Variants in SON observed in about 807,000 individuals in gnomAD.
SON encodes protein SON.
Under a neutral mutation model 173.3 loss-of-function variants are expected in SON, and 4 were observed. That is an observed-to-expected ratio of 0.02 (90% confidence interval 0.01 to 0.05). The LOEUF is 0.05. SON is among the 10% of genes least tolerant of loss of function. SON has a pLI of 1.00. For synonymous variants in SON, 1,190 were observed against 1,105.9 expected, an observed-to-expected ratio of 1.08 and a Z score of -1.51; for missense variants, 2,626 against 3,055.3, an observed-to-expected ratio of 0.86 and a Z score of 3.31.
chr21:33,572,160 GA>G (rs1468938830), intron 8 of SON: 1 of 141,986 alleles, frequency 7.0e-6, no homozygotes, highest in Non-Finnish European at 1.5e-5. Flanking sequence ...ATAAGTTAAT[GA>G]CTTTTGCTAT....
chr21:33,572,610 A>C (rs2086308607), intron 8 of SON: 1 of 1,303,778 alleles, frequency 7.7e-7, no homozygotes. Flanking sequence ...TATTCACAAC[A>C]CTGCTGCTAC....
chr21:33,544,754 C>T (rs1184865782), intron 1 of SON, among the ~76,000 whole-genome samples: 5 of 152,204 alleles, frequency 3.3e-5, no homozygotes, highest in Admixed American at 6.5e-5. Flanking sequence ...TTAACGATTG[C>T]TGGCTTTAAG....
rs1292347757 is a variant in SON at position 33,575,766 on chromosome 21, T to C, written c.7106-12T>C. 1 of 1,579,772 alleles carries C rather than the reference T, an allele frequency of 6.3e-7. No individual in the cohort carries two copies. Among genetic ancestry groups the C allele is most frequent in the Non-Finnish European group, 8.7e-7 (1 of 1,151,158 alleles). ...GAAATAATTTAAAACTGGGTATTTC[T>C]CCCCCCTGCAGGCAAACATCCTGTG... On this transcript the variant is annotated splice_polypyrimidine_tract_variant and intron_variant, in intron 10 of 11. Transcript: ENST00000356577.
chr21:33,556,906 A>G (rs1163168699), intron 3 of SON, among the ~76,000 whole-genome samples: 2 of 151,808 alleles, frequency 1.3e-5, no homozygotes, highest in African/African-American at 2.4e-5. Context: ...GGGAAGCTCA[A>G]TATGTGGACT....
chr21:33,549,164 G>A (rs191004282), intron 2 of SON, among the ~76,000 whole-genome samples: 12 of 77,364 alleles, frequency 1.6e-4, no homozygotes, highest in Admixed American at 1.4e-3. Flanking sequence ...CTGAAACCTC[G>A]ACCTACTGGG....
At position 33,553,746 on chromosome 21, in the gene SON, T is replaced by G. The variant is rs1490595159; in HGVS notation, c.4515T>G (p.Ile1505Met). ...CTCCAGAGATTGGCATGCAGGAGAT[T>G]GCATTGCATTCAGGTGAAGAACCAC... ...NLAPEIGMQE[I>M]ALHSGEEPHA... Residue 1505 changes from isoleucine to methionine, a missense_variant, in exon 3 of 12, where the codon ATT becomes ATG. Coordinates refer to ENST00000356577, the MANE Select transcript of SON (RefSeq NM_138927.4). 6.2e-7 allele frequency: 1 copy of G among 1,614,066 alleles called. No individual in the cohort carries two copies.
chr21:33,564,956 G>A (rs1569064824), intron 6 of SON, among the ~76,000 whole-genome samples: 1 of 151,426 alleles, frequency 6.6e-6, no homozygotes, highest in Non-Finnish European at 1.5e-5. Flanking sequence ...TAAGTCTGTT[G>A]AAGAGTAAAT....
chr21:33,551,248 C>T lies in SON; in HGVS notation c.2017C>T (p.Leu673=). The change falls in exon 3 of 12, where the codon CTG becomes TTG. Residue 673 remains leucine, a synonymous_variant. Transcript: ENST00000356577. The stretch of plus-strand genomic sequence containing the variant: ...GTCAACGATGACCGTGTCGCAGTCC[C>T]TGGAGGTGCCCTCGACGACAGCGCT... ...ELSTMTVSQS[L]EVPSTTALES... is the part of the protein sequence containing the mutation. 2.5e-6 allele frequency: 4 copies of T among 1,614,044 alleles called. No individual in the cohort carries two copies. The highest frequency in any genetic ancestry group is 1.3e-5 in the African/African-American group (1 of 75,002).
In SON at chr21:33,576,603, G is replaced by GAT. The variant is rs764882230; in HGVS notation, c.*180_*181insTA. The GAT allele has an allele frequency of 1.2e-3, 878 of 707,338 alleles. 1 individual carries two copies. Among genetic ancestry groups the GAT allele is most frequent in the Middle Eastern group, 3.6e-3 (10 of 2,748 alleles). 43.8% of individuals were successfully genotyped at this position (707,338 alleles called of 1,614,324 possible). On this transcript the variant is annotated 3_prime_UTR_variant, in exon 12 of 12. Transcript: ENST00000356577. ...TTGAGGTTTTATAATAATCATTTCA[G>GAT]AATTTTACTCTGCATCACAATGTAT...
chr21:33,549,413 A>T, intron 2 of SON, 63 bp from the exon 3 acceptor site: 1 of 1,362,620 alleles, frequency 7.3e-7, no homozygotes, highest in Non-Finnish European at 1.0e-6. Context: ...ATATGGGTTT[A>T]TATGATTTAA....
At position 33,577,013 on chromosome 21, in the gene SON, A is replaced by C. The variant is rs1232754010; in HGVS notation, c.*589A>C. Reference sequence around the variant, plus strand: ...ATGGGCCAGTGTTATTGAGGTGATCAAGATCTGTTCCACAGGGCTAATGCC... The same window carrying C: ...ATGGGCCAGTGTTATTGAGGTGATCCAGATCTGTTCCACAGGGCTAATGCC... On this transcript the variant is annotated 3_prime_UTR_variant, in exon 12 of 12. Coordinates refer to ENST00000356577, the MANE Select transcript of SON (RefSeq NM_138927.4). 1 of 167,392 alleles carries C rather than the reference A, an allele frequency of 6.0e-6. No individual in the cohort carries two copies. Among genetic ancestry groups the C allele is most frequent in the Non-Finnish European group, 1.3e-5 (1 of 74,958 alleles). The allele number at this position is 167,392 out of a possible 1,614,324, so 10.4% of individuals were successfully genotyped here. A position where few individuals can be genotyped will look rare whatever the true frequency, so the allele number is the denominator to read the frequency against.
chr21:33,560,757 T>C (rs902458897), intron 6 of SON: 1 of 323,298 alleles, frequency 3.1e-6, no homozygotes, highest in African/African-American at 2.2e-5. Flanking sequence ...TTAGTTGTCA[T>C]CGCCTCTTGC....
chr21:33,549,447 C>T, intron 2 of SON, 29 bp from the exon 3 acceptor site: 1 of 1,505,950 alleles, frequency 6.6e-7, no homozygotes, highest in Non-Finnish European at 8.8e-7. Context: ...TGGGGAATGT[C>T]TGACAAAATT....
chr21:33,557,104 C>A (rs2085983414), intron 3 of SON, 52 bp from the exon 4 acceptor site: 2 of 1,540,352 alleles, frequency 1.3e-6, no homozygotes, highest in Non-Finnish European at 1.8e-6. Flanking sequence ...TTTGGTAATA[C>A]AAAATGTACA....
At chr21:33,569,871 A>G (rs2145875279) in intron 8 of SON, 1 of 194,428 alleles carries the variant, frequency 5.1e-6, no homozygotes, top group African/African-American at 2.4e-5. Flanking sequence ...ATTTCATGAC[A>G]AAACAGATAT....
rs780253082 is a variant in SON, at chr21:33,555,332, G to A, written c.6101G>A (p.Arg2034His). 35 of 1,598,422 alleles carry A rather than the reference G, an allele frequency of 2.2e-5. No homozygotes were observed. The highest frequency in any genetic ancestry group is 2.7e-5 in the Non-Finnish European group (32 of 1,172,648). ...AGAAGGTTTAGCAGATCTCCCATCC[G>A]TCGTAAAAGATCCAGGTCTTCTGAA... ...LRRRFSRSPI[R>H]RKRSRSSERG... Residue 2034 changes from arginine to histidine, a missense_variant, in exon 3 of 12, where the codon CGT (arginine) becomes CAT (histidine). Physicochemically the swap from Arg to His is conservative, Grantham distance 29. Coordinates refer to ENST00000356577, the MANE Select transcript of SON (RefSeq NM_138927.4).
At position 33,553,521 on chromosome 21, in the gene SON, T is replaced by A. The variant is rs539469832; in HGVS notation, c.4290T>A (p.Ser1430=). ...CAGCGGTGTCAGTCCTTCAACCTTC[T>A]ATGATTGTTTCAGAACCATCTGTTT... is the stretch of plus-strand genomic sequence containing the variant. ...LEPAVSVLQP[S]MIVSEPSVSV... The change falls in exon 3 of 12, where the codon TCT becomes TCA. Residue 1430 remains serine, a synonymous_variant. Transcript: ENST00000356577. 4 of 1,614,108 alleles carry A rather than the reference T, an allele frequency of 2.5e-6. No homozygotes were observed. The highest frequency in any genetic ancestry group is 3.4e-6 in the Non-Finnish European group (4 of 1,180,052).
At chr21:33,556,972 G>C (rs1363409198) in intron 3 of SON, among the ~76,000 whole-genome samples, 184 bp from the exon 4 acceptor site, 1 of 150,664 alleles carries the variant, frequency 6.6e-6, no homozygotes, top group African/African-American at 2.4e-5. Flanking sequence ...TTTGATCATA[G>C]CTGTAACTTA....
intron 2 of SON, among the ~76,000 whole-genome samples, chr21:33,548,120 C>T (rs976556603): frequency 8.4e-6 from 1 of 118,704 alleles, no homozygotes; most frequent in African/African-American, 3.2e-5. Context: ...TAAATAAATC[C>T]CATCTGGTTG....
Sources: allele counts gnomAD v4.1 joint callset (sites outside exome capture counted in the v4.1 genomes callset), GRCh38; gene constraint gnomAD v4.1.1; transcripts MANE v1.5; gene names NCBI Gene and HGNC (gene_info 2026-07-23, HGNC 2026-07-21).